The following FCGR1A variants were observed in gnomAD, a reference collection of about 807,000 sequenced individuals.
FCGR1A encodes high affinity immunoglobulin gamma Fc receptor I.
A neutral mutation model predicts 35.0 loss-of-function variants in FCGR1A; 13 were observed. That is an observed-to-expected ratio of 0.37 (90% CI 0.24 to 0.59). The LOEUF is 0.59. FCGR1A is among the 20% of genes least tolerant of loss of function. FCGR1A has a pLI of 0.71. For synonymous variants in FCGR1A, 91 were observed against 164.7 expected (o/e 0.55, Z 3.43); for missense variants, 227 against 430.0 (o/e 0.53, Z 4.17).
chr1:149,785,417 T>TTG (rs1389265317), intron 3 of FCGR1A, among the ~76,000 whole-genome samples: 3 of 133,458 alleles, frequency 2.2e-5, no homozygotes, highest in African/African-American at 8.3e-5. Flanking sequence ...CGTTTTTTTT[T>TTG]TTTTTTTTTT....
chr1:149,785,408 G>C (rs1509896), intron 3 of FCGR1A, among the ~76,000 whole-genome samples: 5,278 of 66,670 alleles, frequency 0.079, 431 homozygotes, highest in African/African-American at 0.17. Context: ...GAGCTGTTTC[G>C]TTTTTTTTTT....
Position 149,784,100 on chromosome 1 carries a change from G to A in FCGR1A, c.150G>A (p.Gly50=), listed in dbSNP as rs1553750507. ...ACTGTGAGGTGCTCCATCTGCCTGG[G>A]AGCAGCTCTACACAGTGGTTTCTCA... is the stretch of plus-strand genomic sequence containing the variant. ...TLHCEVLHLP[G]SSSTQWFLNG... Residue 50 remains glycine, a synonymous_variant, in exon 3 of 6, where the codon GGG becomes GGA. Transcript: ENST00000369168. 2 of 1,611,618 alleles carry A rather than the reference G, an allele frequency of 1.2e-6. No individual in the cohort carries two copies. Among genetic ancestry groups the A allele is most frequent in the Admixed American group, 1.7e-5 (1 of 59,990 alleles).
At chr1:149,799,431 A>G in the FCGR1A span, among the ~76,000 whole-genome samples, 1 of 152,190 alleles carries the variant, frequency 6.6e-6, no homozygotes, top group African/African-American at 2.4e-5. Flanking sequence ...AGAATTTAAT[A>G]GGACCTTGCA....
rs1553751164 is a variant in FCGR1A, at chr1:149,788,526, GA to G, written c.472del (p.Thr158ProfsTer3). ...FHWNSNLTIL[K>X]TNISHNGTYH... is the part of the protein sequence containing the mutation. ...ACTGGAATTCTAACCTCACCATTCT[GA>G]AAACCAACATAAGTCACAATGGCAC... is the stretch of plus-strand genomic sequence containing the variant. On this transcript the variant is annotated frameshift_variant, in exon 4 of 6. Coordinates refer to ENST00000369168, the MANE Select transcript of FCGR1A (RefSeq NM_000566.4). LOFTEE classifies it high-confidence loss of function. 7 of 1,613,836 alleles carry G rather than the reference GA, an allele frequency of 4.3e-6. No individual in the cohort carries two copies. Among genetic ancestry groups the G allele is most frequent in the Non-Finnish European group, 5.9e-6 (7 of 1,179,846 alleles).
the FCGR1A span, among the ~76,000 whole-genome samples, chr1:149,798,892 T>C: frequency 6.6e-6 from 1 of 151,992 alleles, no homozygotes; most frequent in East Asian, 1.9e-4. Flanking sequence ...GGATTACATG[T>C]GTGACCCACC....
chr1:149,794,092 A>G, downstream of FCGR1A: 1 of 500,308 alleles, frequency 2.0e-6, no homozygotes. Flanking sequence ...CTCGGGCTGT[A>G]GAGAGACAAC....
Position 149,788,424 on chromosome 1 carries a change from G to C in FCGR1A, c.366G>C (p.Leu122Phe). The C allele has an allele frequency of 1.2e-6, 2 of 1,613,768 alleles. No individual in the cohort carries two copies. The highest frequency in any genetic ancestry group is 1.1e-5 in the South Asian group (1 of 91,066). The change falls in exon 4 of 6, where the codon TTG becomes TTC. Residue 122 changes from leucine to phenylalanine, a missense_variant. By Grantham distance (22) the Leu-to-Phe change is conservative. Around this residue, in one of 3 missense-constraint regions of FCGR1A, gnomAD observed 185 missense variants for 306.6 expected, o/e 0.60. Coordinates refer to ENST00000369168, the MANE Select transcript of FCGR1A (RefSeq NM_000566.4). ...RVFTEGEPLA[L>F]RCHAWKDKLV... ...TCACGGAAGGAGAACCTCTGGCCTTGAGGTGTCATGCGTGGAAGGATAAGC... is the reference window on the plus strand; with the variant it reads ...TCACGGAAGGAGAACCTCTGGCCTTCAGGTGTCATGCGTGGAAGGATAAGC...
the FCGR1A span, among the ~76,000 whole-genome samples, chr1:149,797,209 G>A: frequency 8.5e-5 from 13 of 152,218 alleles, no homozygotes; most frequent in African/African-American, 3.1e-4. Flanking sequence ...TGCCGCACCT[G>A]GCCTTGGTGC....
intron 5 of FCGR1A, among the ~76,000 whole-genome samples, chr1:149,790,590 T>C (rs1196149915): frequency 6.6e-6 from 1 of 150,880 alleles, no homozygotes; most frequent in Non-Finnish European, 1.5e-5. Context: ...CATTTTCTCC[T>C]CTGTCCTTCT....
At chr1:149,786,625 C>G (rs1446986155) in intron 3 of FCGR1A, 1 of 151,962 alleles carries the variant, frequency 6.6e-6, no homozygotes, top group African/African-American at 2.4e-5. Flanking sequence ...AATCATATGG[C>G]TGACACCAAA....
At position 149,790,464 on chromosome 1, in the gene FCGR1A, C is replaced by A. The variant is rs1571396760; in HGVS notation, c.844+126C>A. 4.7e-6 allele frequency: 7 copies of A among 1,491,546 alleles called. No individual in the cohort carries two copies. In the East Asian group the frequency reaches 1.7e-4, roughly 37 times the overall value. The allele number at this position is 1,491,546 out of a possible 1,614,324, so 92.4% of individuals were successfully genotyped here. A position where few individuals can be genotyped will look rare whatever the true frequency, so the allele number is the denominator to read the frequency against. On this transcript the variant is annotated intron_variant, in intron 5 of 5. Transcript: ENST00000369168. ...GGAAAGTCTCTTCAGGAAAAGCCCA[C>A]AAGCAGGCCTTTCCATCCTTGATTC...
chr1:149,788,263 C>T, intron 3 of FCGR1A, 103 bp from the exon 4 acceptor site: 2 of 1,608,556 alleles, frequency 1.2e-6, no homozygotes, highest in Non-Finnish European at 1.7e-6. Flanking sequence ...AGCTCTGAGG[C>T]TGGATGTTGC....
At chr1:149,789,736 C>A (rs1276113443) in intron 4 of FCGR1A, among the ~76,000 whole-genome samples, 1 of 152,120 alleles carries the variant, frequency 6.6e-6, no homozygotes, top group Non-Finnish European at 1.5e-5. Context: ...TGAGGTGGAA[C>A]AGTTACCTTC....
chr1:149,796,538 G>A (rs587717377), downstream of FCGR1A, among the ~76,000 whole-genome samples: 38 of 152,274 alleles, frequency 2.5e-4, no homozygotes, highest in African/African-American at 8.9e-4. Flanking sequence ...AGGTTTATAA[G>A]TACCATCTTT....
At chr1:149,793,825 G>C (rs2091768036), downstream of FCGR1A, 1 of 1,209,904 alleles carries the variant, frequency 8.3e-7, no homozygotes, top group Non-Finnish European at 1.1e-6. Context: ...ACACTCAGAG[G>C]TTCCTAGCCT....
At chr1:149,789,935 A>T (rs1472934374) in intron 4 of FCGR1A, 119 bp from the exon 5 acceptor site, 37 of 1,594,580 alleles carry the variant, frequency 2.3e-5, no homozygotes, top group Non-Finnish European at 3.0e-5. Context: ...AAAAGGGTTA[A>T]TGCCTTATGG....
the FCGR1A span, among the ~76,000 whole-genome samples, chr1:149,797,380 C>A: frequency 6.6e-6 from 1 of 152,002 alleles, no homozygotes. Context: ...ATCAAAAATA[C>A]ACATCATTTT....
In FCGR1A at chr1:149,784,250, C is replaced by A. The variant is rs782689890; in HGVS notation, c.300C>A (p.Ile100=). The A allele has an allele frequency of 2.5e-6, 4 of 1,610,890 alleles. No individual in the cohort carries two copies. In the East Asian group the frequency reaches 8.9e-5, roughly 36 times the overall value. ...GAAGTGACCCCATACAGCTGGAAAT[C>A]CACAGAGGTAATTATGACTTGGACC... is the stretch of plus-strand genomic sequence containing the variant. ...SGRSDPIQLE[I]HRGWLLLQVS... The change falls in exon 3 of 6, where the codon ATC becomes ATA. Residue 100 remains isoleucine (I), a synonymous_variant. Transcript: ENST00000369168.
downstream of FCGR1A, among the ~76,000 whole-genome samples, chr1:149,793,807 G>A (rs1360328760): frequency 6.6e-6 from 1 of 151,820 alleles, no homozygotes; most frequent in Non-Finnish European, 1.5e-5. Context: ...GTTCAGGCCC[G>A]TTTCAGAACA....
Sources: allele counts gnomAD v4.1 joint callset (sites outside exome capture counted in the v4.1 genomes callset), GRCh38; gene constraint gnomAD v4.1.1; regional missense constraint gnomAD v4.1.1; transcripts MANE v1.5; gene names NCBI Gene and HGNC (gene_info 2026-07-23, HGNC 2026-07-21).